The following MAD1L1 variants were observed in gnomAD, a reference collection of about 807,000 sequenced individuals.
MAD1L1 encodes mitotic arrest deficient 1 like 1, also known as mitotic spindle assembly checkpoint protein MAD1.
Under a neutral mutation model 96.9 loss-of-function variants are expected in MAD1L1, and 95 were observed. The ratio of observed to expected loss-of-function variants is 0.98; its 90% CI spans 0.83 to 1.16. The LOEUF (loss-of-function observed/expected upper bound fraction) is 1.16, where lower values mean the gene tolerates loss of function less well. Ranked by LOEUF, MAD1L1 falls within the 50% of genes most tolerant of loss-of-function variation. The probability of loss-of-function intolerance (pLI) is 0.00; values close to 1 mark genes in which losing one functional copy is unlikely to be tolerated. For missense variants in MAD1L1, 1,007 were observed against 954.4 expected, an observed-to-expected ratio of 1.06 and a Z score of -0.73; for synonymous variants, 473 against 396.6, an observed-to-expected ratio of 1.19 and a Z score of -2.29.
At chr7:1,894,881 A>G (rs188027914) in intron 18 of MAD1L1, among the ~76,000 whole-genome samples, 18 of 152,212 alleles carry the variant, frequency 1.2e-4, no homozygotes, top group African/African-American at 4.3e-4. Context: ...GAAATGGAGC[A>G]AGAAGCATCT....
intron 10 of MAD1L1, among the ~76,000 whole-genome samples, chr7:2,168,054 G>T (rs1224437585): frequency 2.6e-5 from 4 of 152,224 alleles, no homozygotes. Context: ...GGAGGCCGAG[G>T]CGGGTGGATC....
Position 1,980,548 on chromosome 7 carries a change from G to A in MAD1L1, c.1417-7C>T. ...TCTTCAGCTCCATCTCCAGCTAGGA[G>A]AAAGCAAAGGATAGAGGGTCAGCAG... is the stretch of plus-strand genomic sequence containing the variant. On this transcript the variant is annotated splice_polypyrimidine_tract_variant and splice_region_variant and intron_variant, in intron 14 of 18. Coordinates refer to ENST00000265854, the MANE Select transcript of MAD1L1 (RefSeq NM_001013836.2). The A allele has an allele frequency of 6.2e-7, 1 of 1,608,324 alleles. No homozygotes were observed. Among genetic ancestry groups the A allele is most frequent in the Non-Finnish European group, 8.5e-7 (1 of 1,177,060 alleles).
chr7:2,230,353 A>G (rs1794131806), intron 2 of MAD1L1, 196 bp downstream of exon 2: 2 of 490,248 alleles, frequency 4.1e-6, no homozygotes, highest in Non-Finnish European at 7.5e-6. Flanking sequence ...GCATGCCACC[A>G]AATCCCCACC....
intron 18 of MAD1L1, among the ~76,000 whole-genome samples, chr7:1,869,587 G>A (rs545235499): frequency 1.3e-4 from 20 of 152,112 alleles, no homozygotes; most frequent in Non-Finnish European, 2.1e-4. Flanking sequence ...ACTGAAAAAC[G>A]TGACAAAACG....
At chr7:1,957,112 C>T (rs975957629) in intron 16 of MAD1L1, among the ~76,000 whole-genome samples, 3 of 152,218 alleles carry the variant, frequency 2.0e-5, no homozygotes, top group East Asian at 1.9e-4. Flanking sequence ...GACAGGCCAG[C>T]GCGGCTCGGA....
intron 12 of MAD1L1, among the ~76,000 whole-genome samples, chr7:2,017,670 GA>G (rs1782603739): frequency 6.6e-6 from 1 of 152,218 alleles, no homozygotes; most frequent in South Asian, 2.1e-4. Context: ...GGACCCTTGC[GA>G]AAGAGCAAGA....
At chr7:1,934,537 G>A (rs1789668935) in intron 17 of MAD1L1, among the ~76,000 whole-genome samples, 1 of 150,580 alleles carries the variant, frequency 6.6e-6, no homozygotes, top group Non-Finnish European at 1.5e-5. Flanking sequence ...AGGTGAACCC[G>A]AGATGCGCAG....
chr7:1,921,473 C>T (rs1278993862), intron 17 of MAD1L1, among the ~76,000 whole-genome samples: 1 of 152,114 alleles, frequency 6.6e-6, no homozygotes, highest in Non-Finnish European at 1.5e-5. Flanking sequence ...TACAGACACC[C>T]TCCCGCCACG....
At chr7:2,153,833 A>C (rs1789695060) in intron 10 of MAD1L1, among the ~76,000 whole-genome samples, 1 of 152,252 alleles carries the variant, frequency 6.6e-6, no homozygotes, top group African/African-American at 2.4e-5. Flanking sequence ...GGGGATGTAC[A>C]CACAGTGGAA....
chr7:2,139,198 C>T (rs536234718), intron 11 of MAD1L1, among the ~76,000 whole-genome samples: 3 of 152,128 alleles, frequency 2.0e-5, no homozygotes, highest in South Asian at 4.1e-4. Flanking sequence ...ACCATGTCCA[C>T]AGCCTAAGCC....
chr7:2,049,005 G>A (rs543338213), intron 12 of MAD1L1, among the ~76,000 whole-genome samples: 1 of 152,350 alleles, frequency 6.6e-6, no homozygotes, highest in East Asian at 1.9e-4. Flanking sequence ...CATCACCTTA[G>A]AATAGAACTA....
intron 18 of MAD1L1, among the ~76,000 whole-genome samples, chr7:1,871,820 G>A (rs998003034): frequency 7.9e-5 from 12 of 152,294 alleles, no homozygotes; most frequent in Middle Eastern, 3.4e-3. Context: ...AGGCTTCCCC[G>A]GAGGGCCAGC....
chr7:2,133,526 T>G (rs187440238), intron 11 of MAD1L1, among the ~76,000 whole-genome samples: 2 of 152,392 alleles, frequency 1.3e-5, no homozygotes, highest in East Asian at 3.8e-4. Flanking sequence ...CTCAACAGTT[T>G]CCTTCGCAGA....
At chr7:2,056,392 G>C (rs1053019110) in intron 12 of MAD1L1, among the ~76,000 whole-genome samples, 1 of 138,222 alleles carries the variant, frequency 7.2e-6, no homozygotes, top group Admixed American at 7.2e-5. Flanking sequence ...AGGGATGGAG[G>C]CCCTCTGCTC....
At chr7:1,846,834 T>C (rs1256316336) in intron 18 of MAD1L1, 1 of 214,460 alleles carries the variant, frequency 4.7e-6, no homozygotes, top group East Asian at 1.5e-4. Context: ...AATTTGCGTG[T>C]GCAAGATGTG....
intron 10 of MAD1L1, among the ~76,000 whole-genome samples, chr7:2,182,562 G>A (rs1359882673): frequency 1.3e-5 from 2 of 152,162 alleles, no homozygotes. Flanking sequence ...CAACCCAAAT[G>A]TCTACAGCTG....
intron 16 of MAD1L1, among the ~76,000 whole-genome samples, chr7:1,945,459 C>T (rs1779185843): frequency 6.6e-6 from 1 of 152,226 alleles, no homozygotes; most frequent in African/African-American, 2.4e-5. Flanking sequence ...CAAGTAGGTC[C>T]CACGAAAGGG....
chr7:1,914,806 G>C (rs1788269469), intron 17 of MAD1L1, among the ~76,000 whole-genome samples: 1 of 143,960 alleles, frequency 6.9e-6, no homozygotes, highest in East Asian at 2.1e-4. Flanking sequence ...TTATAAATAG[G>C]GTCTTGCTAT....
intron 15 of MAD1L1, among the ~76,000 whole-genome samples, chr7:1,979,084 C>A (rs1171690482): frequency 6.6e-6 from 1 of 152,210 alleles, no homozygotes; most frequent in Non-Finnish European, 1.5e-5. Flanking sequence ...GCTTTACTCT[C>A]GGCAACCCTG....
Sources: allele counts gnomAD v4.1 joint callset (sites outside exome capture counted in the v4.1 genomes callset), GRCh38; gene constraint gnomAD v4.1.1; transcripts MANE v1.5; gene names NCBI Gene and HGNC (gene_info 2026-07-23, HGNC 2026-07-21).